The following NPEPPS variants were observed in gnomAD, a reference collection of about 807,000 sequenced individuals.
NPEPPS encodes aminopeptidase puromycin sensitive, also known as puromycin-sensitive aminopeptidase.
A neutral mutation model predicts 115.5 loss-of-function variants in NPEPPS; 14 were observed. The ratio of observed to expected loss-of-function variants is 0.12; its 90% CI spans 0.08 to 0.19. NPEPPS has a LOEUF of 0.19. Ranked by LOEUF, NPEPPS falls within the 10% of genes least tolerant of loss-of-function variation. NPEPPS has a pLI of 1.00. For missense variants in NPEPPS, 523 were observed against 1,110.8 expected (o/e 0.47, Z 7.52); for synonymous variants, 285 against 390.6 (o/e 0.73, Z 3.19).
chr17:47,601,940 G>A (rs1913223867), intron 15 of NPEPPS, 193 bp downstream of exon 15: 2 of 574,564 alleles, frequency 3.5e-6, no homozygotes, highest in Non-Finnish European at 5.8e-6. Context: ...TGGTAGAGAA[G>A]CAGATCCAAA....
intron 2 of NPEPPS, among the ~76,000 whole-genome samples, chr17:47,558,205 G>A (rs1382681433): frequency 6.6e-6 from 1 of 152,042 alleles, no homozygotes; most frequent in Non-Finnish European, 1.5e-5. Context: ...TCGGCTCACT[G>A]CAACCTCCGC....
intron 3 of NPEPPS, among the ~76,000 whole-genome samples, chr17:47,570,793 T>A (rs1911144972): frequency 6.6e-6 from 1 of 152,236 alleles, no homozygotes; most frequent in African/African-American, 2.4e-5. Flanking sequence ...GCTTCTCATG[T>A]GAGCTGATTT....
chr17:47,619,036 T>A lies in NPEPPS; in HGVS notation c.2431T>A (p.Ser811Thr). 3.7e-6 allele frequency: 6 copies of A among 1,613,980 alleles called. No individual in the cohort carries two copies. The highest frequency in any genetic ancestry group is 5.1e-6 in the Non-Finnish European group (6 of 1,179,880). Residue 811 changes from serine (S) to threonine (T), a missense_variant, in exon 21 of 23, where the codon TCG becomes ACG. Ser to Thr is a moderately conservative substitution (Grantham distance 58). Coordinates refer to ENST00000322157, the MANE Select transcript of NPEPPS (RefSeq NM_006310.4). ...AGAGGTACGTCCACAGGACACTGTA[T>A]CGGTAATTGGTGGAGTAGCTGGAGG... ...SEEVRPQDTVSVIGGVAGGSK... is the reference protein window; with the variant it reads ...SEEVRPQDTVTVIGGVAGGSK...
chr17:47,549,180 T>G (rs1158426661), intron 2 of NPEPPS, among the ~76,000 whole-genome samples: 4 of 151,688 alleles, frequency 2.6e-5, no homozygotes, highest in East Asian at 2.0e-4. Flanking sequence ...CCATCTCTAC[T>G]AAAAATAAAA....
At chr17:47,534,344 G>C (rs1219375827) in intron 1 of NPEPPS, among the ~76,000 whole-genome samples, 1 of 152,146 alleles carries the variant, frequency 6.6e-6, no homozygotes, top group Non-Finnish European at 1.5e-5. Flanking sequence ...CTCCTAAAGA[G>C]CTGGGATTAC....
Position 47,531,570 on chromosome 17 carries a change from G to C in NPEPPS, c.255+15G>C. ...CCGCCGCCCAGGTACAGCGACCCTCGGGCCCCGGGGCAAGCTGCGGGGCGA... is the reference window on the plus strand; with the variant it reads ...CCGCCGCCCAGGTACAGCGACCCTCCGGCCCCGGGGCAAGCTGCGGGGCGA... On this transcript the variant is annotated intron_variant, in intron 1 of 22. Transcript: ENST00000322157. The C allele has an allele frequency of 6.3e-7, 1 of 1,588,056 alleles. No homozygotes were observed. Among genetic ancestry groups the C allele is most frequent in the Non-Finnish European group, 8.6e-7 (1 of 1,169,310 alleles).
rs1914615657 is a variant in NPEPPS, at chr17:47,622,183, A to C, written c.*263A>C. On this transcript the variant is annotated 3_prime_UTR_variant, in exon 23 of 23. Transcript: ENST00000322157. ...TAAAATAGAGCATAACGAAACTGTG[A>C]AACTTTCTGAAGCCTTGTCAGTGGT... is the stretch of plus-strand genomic sequence containing the variant. The C allele has an allele frequency of 1.2e-6, 1 of 827,192 alleles. No individual in the cohort carries two copies. Among genetic ancestry groups the C allele is most frequent in the African/African-American group, 1.8e-5 (1 of 56,358 alleles). The allele number at this position is 827,192 out of a possible 1,614,324, so 51.2% of individuals were successfully genotyped here.
chr17:47,608,576 C>T (rs994398928), intron 17 of NPEPPS, among the ~76,000 whole-genome samples: 4 of 152,064 alleles, frequency 2.6e-5, no homozygotes, highest in African/African-American at 9.7e-5. Flanking sequence ...AGTTCAAGCC[C>T]AGCATGGGCA....
chr17:47,555,339 A>ATGC (rs1490253431), intron 2 of NPEPPS, among the ~76,000 whole-genome samples: 1 of 140,292 alleles, frequency 7.1e-6, no homozygotes, highest in African/African-American at 2.5e-5. Context: ...ATTGTAGTGT[A>ATGC]TGCTGTTCTT....
chr17:47,527,670 C>T (rs1475039266), upstream of NPEPPS, among the ~76,000 whole-genome samples: 1 of 140,684 alleles, frequency 7.1e-6, no homozygotes, highest in Non-Finnish European at 1.6e-5. Flanking sequence ...CCAGCCTGGC[C>T]AACATGGTGA....
At chr17:47,540,093 A>G (rs1212139060) in intron 1 of NPEPPS, among the ~76,000 whole-genome samples, 1 of 152,134 alleles carries the variant, frequency 6.6e-6, no homozygotes, top group Non-Finnish European at 1.5e-5. Context: ...CTGCCTCCCT[A>G]TCTCATAGGA....
chr17:47,590,709 G>C lies in NPEPPS; in HGVS notation c.1096-8G>C, dbSNP rs200948229. On this transcript the variant is annotated splice_polypyrimidine_tract_variant and splice_region_variant and intron_variant, in intron 9 of 22. Coordinates refer to ENST00000322157, the MANE Select transcript of NPEPPS (RefSeq NM_006310.4). The stretch of plus-strand genomic sequence containing the variant: ...TTTTCTTTAAGTATTTTCATCTTTT[G>C]TTTTTAGGAATGGTGGACTCATCTT... 682 of 1,609,198 alleles carry C rather than the reference G, an allele frequency of 4.2e-4. 4 individuals are homozygous for C. In the African/African-American group the frequency reaches 8.3e-3, roughly 20 times the overall value.
intron 8 of NPEPPS, chr17:47,586,946 G>A (rs1597864640): frequency 2.5e-6 from 1 of 400,272 alleles, no homozygotes; most frequent in Non-Finnish European, 4.7e-6. Context: ...ATCTAGCACA[G>A]TAATCGCTAA....
intron 22 of NPEPPS, among the ~76,000 whole-genome samples, chr17:47,620,571 A>ACTGG (rs372263158): frequency 9.3e-4 from 142 of 152,320 alleles, no homozygotes; most frequent in African/African-American, 3.4e-3. Context: ...TGGTGTATAA[A>ACTGG]TGTTGGTACT....
Position 47,612,582 on chromosome 17 carries a change from T to A in NPEPPS, c.2218T>A (p.Ser740Thr), listed in dbSNP as rs1236114933. 6.2e-7 allele frequency: 1 copy of A among 1,613,418 alleles called. No homozygotes were observed. The highest frequency in any genetic ancestry group is 8.5e-7 in the Non-Finnish European group (1 of 1,179,666). The change falls in exon 18 of 23, where the codon TCC becomes ACC. Residue 740 changes from serine to threonine, a missense_variant. Physicochemically the swap from Ser to Thr is moderately conservative, Grantham distance 58. Around this residue, in one of 4 missense-constraint regions of NPEPPS, gnomAD observed 372 missense variants for 542.6 expected, o/e 0.69. Coordinates refer to ENST00000322157, the MANE Select transcript of NPEPPS (RefSeq NM_006310.4). ...KDHVEGKQILSADLRSPVYLT... is the reference protein window; with the variant it reads ...KDHVEGKQILTADLRSPVYLT... Reference sequence around the variant, plus strand: ...CCACGTGGAAGGAAAACAGATTCTCTCCGCTGATCTGAGGAGTCCTGTAGG... The same window carrying A: ...CCACGTGGAAGGAAAACAGATTCTCACCGCTGATCTGAGGAGTCCTGTAGG...
At chr17:47,568,776 C>T (rs1910999229) in intron 2 of NPEPPS, among the ~76,000 whole-genome samples, 1 of 152,156 alleles carries the variant, frequency 6.6e-6, no homozygotes, top group Non-Finnish European at 1.5e-5. Flanking sequence ...CTGCCTTAGC[C>T]TCCCAAGTAG....
chr17:47,608,453 CAAAA>C (rs36062497), intron 17 of NPEPPS, among the ~76,000 whole-genome samples: 3 of 79,162 alleles, frequency 3.8e-5, no homozygotes, highest in South Asian at 4.3e-4. Context: ...GACTCCGTCT[CAAAA>C]AAAAAAAAAA....
chr17:47,583,233 C>G (rs1394771792), intron 5 of NPEPPS, among the ~76,000 whole-genome samples: 1 of 152,060 alleles, frequency 6.6e-6, no homozygotes, highest in Non-Finnish European at 1.5e-5. Flanking sequence ...AGATTATCTA[C>G]TTCTTTTAAT....
intron 2 of NPEPPS, among the ~76,000 whole-genome samples, chr17:47,553,022 T>C (rs1026940860): frequency 1.6e-4 from 24 of 152,228 alleles, no homozygotes; most frequent in African/African-American, 5.8e-4. Flanking sequence ...CCGCACCATA[T>C]TGCAATTATT....
Sources: allele counts gnomAD v4.1 joint callset (sites outside exome capture counted in the v4.1 genomes callset), GRCh38; gene constraint gnomAD v4.1.1; regional missense constraint gnomAD v4.1.1; transcripts MANE v1.5; gene names NCBI Gene and HGNC (gene_info 2026-07-23, HGNC 2026-07-21).